The following SAAL1 variants were observed in gnomAD, a reference collection of about 807,000 sequenced individuals.
SAAL1 encodes the protein serum amyloid A like 1.
A neutral mutation model predicts 59.8 loss-of-function variants in SAAL1; 42 were observed. The observed-to-expected ratio is 0.70, with a 90% CI of 0.55 to 0.91. SAAL1 has a LOEUF of 0.91. SAAL1 is among the 40% of genes least tolerant of loss of function. The pLI, the probability that SAAL1 is intolerant of heterozygous loss-of-function variation, is 0.00. For missense variants in SAAL1, 542 were observed against 561.1 expected, an observed-to-expected ratio of 0.97 and a Z score of 0.34; for synonymous variants, 191 against 194.3, an observed-to-expected ratio of 0.98 and a Z score of 0.14.
At chr11:18,080,639 C>T (rs746115887) in intron 11 of SAAL1, 148 bp from the exon 12 acceptor site, 2 of 557,320 alleles carry the variant, frequency 3.6e-6, no homozygotes, top group Non-Finnish European at 6.2e-6. Context: ...ACTTCCTAAG[C>T]AGTCTTCTAA....
intron 11 of SAAL1, among the ~76,000 whole-genome samples, chr11:18,080,871 A>C (rs1231410611): frequency 6.6e-6 from 1 of 152,246 alleles, no homozygotes; most frequent in Non-Finnish European, 1.5e-5. Context: ...TTGGCTTAAT[A>C]TAGATGTTAT....
intron 10 of SAAL1, among the ~76,000 whole-genome samples, chr11:18,082,420 C>T (rs544671807): frequency 6.6e-6 from 1 of 151,424 alleles, no homozygotes; most frequent in East Asian, 1.9e-4. Flanking sequence ...TAATAAGCGT[C>T]AAGTAAAACC....
chr11:18,100,853 T>C (rs1848626672), intron 2 of SAAL1, among the ~76,000 whole-genome samples: 1 of 152,204 alleles, frequency 6.6e-6, no homozygotes, highest in Non-Finnish European at 1.5e-5. Context: ...CCATATACTA[T>C]ACAAAAATCA....
At chr11:18,084,798 C>T (rs1221779862) in intron 9 of SAAL1, among the ~76,000 whole-genome samples, 1 of 152,096 alleles carries the variant, frequency 6.6e-6, no homozygotes, top group Non-Finnish European at 1.5e-5. Context: ...CGGAGTATTG[C>T]TCTGCTGCCC....
At chr11:18,095,766 G>A (rs559833463) in intron 3 of SAAL1, among the ~76,000 whole-genome samples, 47 of 152,278 alleles carry the variant, frequency 3.1e-4, no homozygotes, top group African/African-American at 1.1e-3. Flanking sequence ...GTATATAAAG[G>A]CCTCTCCTTT....
intron 9 of SAAL1, among the ~76,000 whole-genome samples, chr11:18,083,935 T>C (rs1848436406): frequency 6.6e-6 from 1 of 152,204 alleles, no homozygotes; most frequent in Admixed American, 6.5e-5. Flanking sequence ...TTGGTTAAGT[T>C]CTATGAAGGA....
At position 18,087,179 on chromosome 11, in the gene SAAL1, G is replaced by C. The variant is rs1402795544; in HGVS notation, c.817C>G (p.Leu273Val). 6.2e-7 allele frequency: 1 copy of C among 1,613,538 alleles called. No homozygotes were observed. The highest frequency in any genetic ancestry group is 1.1e-5 in the South Asian group (1 of 91,044). Residue 273 changes from leucine (L) to valine (V), a missense_variant, in exon 8 of 12, where the codon CTG becomes GTG. Physicochemically the swap from Leu to Val is conservative, Grantham distance 32. Transcript: ENST00000524803. ...WLDVYMHILQLLTTVDDGIQA... is the reference protein window; with the variant it reads ...WLDVYMHILQVLTTVDDGIQA... ...ATTCCATCATCCACTGTAGTAAGCA[G>C]TTGTAAAATGTGCATGTAAACATCA...
chr11:18,099,027 C>A (rs150141344), intron 2 of SAAL1, among the ~76,000 whole-genome samples: 3 of 152,342 alleles, frequency 2.0e-5, no homozygotes, highest in African/African-American at 7.2e-5. Flanking sequence ...AAAAGTGTAG[C>A]AACCTGCCCA....
At chr11:18,085,011 C>T (rs1848448215) in intron 9 of SAAL1, among the ~76,000 whole-genome samples, 1 of 152,168 alleles carries the variant, frequency 6.6e-6, no homozygotes, top group African/African-American at 2.4e-5. Flanking sequence ...GGTAATCTGC[C>T]CGCCTCAGCC....
intron 2 of SAAL1, among the ~76,000 whole-genome samples, chr11:18,100,674 T>C (rs1848624978): frequency 6.6e-6 from 1 of 152,228 alleles, no homozygotes; most frequent in South Asian, 2.1e-4. Flanking sequence ...TCTATAGTGC[T>C]TGATGTCTAT....
chr11:18,086,608 C>T (rs139308042), intron 9 of SAAL1, among the ~76,000 whole-genome samples: 3,346 of 151,534 alleles, frequency 0.022, 144 homozygotes, highest in African/African-American at 0.078. Flanking sequence ...GGCTGAGGCA[C>T]GAGAATCACT....
intron 2 of SAAL1, among the ~76,000 whole-genome samples, chr11:18,099,592 T>C (rs1351277752): frequency 6.6e-6 from 1 of 152,200 alleles, no homozygotes; most frequent in Non-Finnish European, 1.5e-5. Context: ...GGTGACATTA[T>C]GCTTTGATGA....
Position 18,080,418 on chromosome 11 carries a change from C to T in SAAL1, c.1406G>A (p.Ser469Asn), listed in dbSNP as rs1485369177. ...CAGGTTTTAAGTCTGAACCTTCAAA[C>T]TTGGGAAGTTTTTTTCCAAGTCATC... ...LADDLEKNFP[S>N]LKVQT is the part of the protein sequence containing the mutation. Residue 469 changes from serine (S) to asparagine (N), a missense_variant, in exon 12 of 12, where the codon AGT becomes AAT. Transcript: ENST00000524803. 6.3e-7 allele frequency: 1 copy of T among 1,593,492 alleles called. No individual in the cohort carries two copies. Among genetic ancestry groups the T allele is most frequent in the South Asian group, 1.2e-5 (1 of 86,612 alleles).
rs376958098 is a variant in SAAL1, at chr11:18,087,138, C to A, written c.853+5G>T. On this transcript the variant is annotated splice_donor_5th_base_variant and intron_variant, in intron 8 of 11. Transcript: ENST00000524803. ...ACTGTAGTGCATCCCGATAAACCAC[C>A]TTACCAATTGCTTGAATTCCATCAT... 6.3e-5 allele frequency: 102 copies of A among 1,610,536 alleles called. No individual in the cohort carries two copies. The African/African-American group carries it at 1.3e-3, about 21-fold the overall frequency.
intron 9 of SAAL1, among the ~76,000 whole-genome samples, chr11:18,085,782 A>G (rs544303239): frequency 2.0e-5 from 3 of 152,356 alleles, no homozygotes; most frequent in African/African-American, 7.2e-5. Flanking sequence ...TGAAATTTCA[A>G]ATCAGTGTGG....
At chr11:18,089,586 C>G (rs1848500786) in intron 6 of SAAL1, 76 bp from the exon 7 acceptor site, 1 of 1,375,794 alleles carries the variant, frequency 7.3e-7, no homozygotes, top group Admixed American at 2.4e-5. Flanking sequence ...ATTCCTAAAG[C>G]TATTCTAAGA....
At position 18,087,194 on chromosome 11, in the gene SAAL1, T is replaced by C. The variant is rs1848473305; in HGVS notation, c.802A>G (p.Met268Val). ...SENPEWLDVY[M>V]HILQLLTTVD... ...GTAGTAAGCAGTTGTAAAATGTGCA[T>C]GTAAACATCAAGCCATTCTGGATTT... is the stretch of plus-strand genomic sequence containing the variant. Residue 268 changes from methionine (M) to valine (V), a missense_variant, in exon 8 of 12, where the codon ATG becomes GTG. Transcript: ENST00000524803. 2 of 1,613,288 alleles carry C rather than the reference T, an allele frequency of 1.2e-6. No homozygotes were observed. Among genetic ancestry groups the C allele is most frequent in the African/African-American group, 1.3e-5 (1 of 74,904 alleles).
In SAAL1 at chr11:18,083,666, G is replaced by A; in HGVS notation, c.1108C>T (p.Pro370Ser). The A allele has an allele frequency of 6.2e-7, 1 of 1,612,018 alleles. No individual in the cohort carries two copies. The highest frequency in any genetic ancestry group is 2.2e-5 in the East Asian group (1 of 44,804). ...GTGTTAGACTCTGCCGAGTTCTCTGGTTTTTTCTGACACTGTTCCATATTT... is the reference window on the plus strand; with the variant it reads ...GTGTTAGACTCTGCCGAGTTCTCTGATTTTTTCTGACACTGTTCCATATTT... ...LQNMEQCQKK[P>S]ENSAESNTEE... The change falls in exon 10 of 12, where the codon CCA (proline) becomes TCA (serine). Residue 370 changes from proline (P) to serine (S), a missense_variant. Coordinates refer to ENST00000524803, the MANE Select transcript of SAAL1 (RefSeq NM_138421.3).
At position 18,105,762 on chromosome 11, in the gene SAAL1, C is replaced by T. The variant is rs871698; in HGVS notation, c.135+145G>A. ...TTGGGGTCCGCAGCGGCCGGCGAAACGCAAGGAGCAAGGTCCCGCAGCGCA... is the reference window on the plus strand; with the variant it reads ...TTGGGGTCCGCAGCGGCCGGCGAAATGCAAGGAGCAAGGTCCCGCAGCGCA... On this transcript the variant is annotated intron_variant, in intron 1 of 11. Coordinates refer to ENST00000524803, the MANE Select transcript of SAAL1 (RefSeq NM_138421.3). The T allele has an allele frequency of 5.8e-3, 6,220 of 1,068,140 alleles. 279 individuals carry two copies. In the African/African-American group the frequency reaches 0.091, roughly 16 times the overall value. The allele number at this position is 1,068,140 out of a possible 1,614,324, so 66.2% of individuals were successfully genotyped here.
Sources: allele counts gnomAD v4.1 joint callset (sites outside exome capture counted in the v4.1 genomes callset), GRCh38; gene constraint gnomAD v4.1.1; transcripts MANE v1.5; gene names NCBI Gene and HGNC (gene_info 2026-07-23, HGNC 2026-07-21).